The following KIAA1217 variants were observed in gnomAD, a reference collection of about 807,000 sequenced individuals.
The protein encoded by KIAA1217 is sickle tail protein homolog.
A neutral mutation model predicts 163.9 loss-of-function variants in KIAA1217; 88 were observed. The ratio of observed to expected loss-of-function variants is 0.54; its 90% CI spans 0.45 to 0.64. The LOEUF is 0.64. Ranked by LOEUF, KIAA1217 falls within the 30% of genes least tolerant of loss-of-function variation. The pLI, the probability that KIAA1217 is intolerant of heterozygous loss-of-function variation, is 0.00. For synonymous variants in KIAA1217, 903 were observed against 923.1 expected, an observed-to-expected ratio of 0.98 and a Z score of 0.39; for missense variants, 2,372 against 2,475.0, an observed-to-expected ratio of 0.96 and a Z score of 0.88.
At chr10:23,753,105 A>G (rs1833733115) in intron 1 of KIAA1217, among the ~76,000 whole-genome samples, 1 of 152,144 alleles carries the variant, frequency 6.6e-6, no homozygotes, top group Non-Finnish European at 1.5e-5. Flanking sequence ...GGCTCAAATC[A>G]TTGTATAGAA....
intron 3 of KIAA1217, among the ~76,000 whole-genome samples, chr10:24,406,874 G>A (rs933708654): frequency 1.3e-5 from 2 of 152,136 alleles, no homozygotes; most frequent in Non-Finnish European, 2.9e-5. Context: ...CTAAAAACAT[G>A]TACAATTGCC....
At chr10:24,449,559 C>T (rs755218322) in intron 5 of KIAA1217, 283 of 985,152 alleles carry the variant, frequency 2.9e-4, no homozygotes, top group Non-Finnish European at 3.3e-4. Flanking sequence ...TCTGAATGTC[C>T]GTGAAATAGT....
At chr10:24,012,359 T>G (rs1847271598) in intron 2 of KIAA1217, among the ~76,000 whole-genome samples, 1 of 152,116 alleles carries the variant, frequency 6.6e-6, no homozygotes, top group South Asian at 2.1e-4. Context: ...CTTACAACTC[T>G]CTTAAGACCT....
intron 2 of KIAA1217, among the ~76,000 whole-genome samples, chr10:24,093,495 G>T (rs1301656364): frequency 6.6e-6 from 1 of 151,444 alleles, no homozygotes; most frequent in East Asian, 1.9e-4. Context: ...GTAGAGACAA[G>T]GTCTCACTAT....
intron 1 of KIAA1217, among the ~76,000 whole-genome samples, chr10:23,792,191 A>G (rs1835980300): frequency 6.6e-6 from 1 of 152,222 alleles, no homozygotes; most frequent in African/African-American, 2.4e-5. Context: ...CAGTGGGGTC[A>G]GGAAAAGGCC....
rs186387208 is a variant in KIAA1217 at position 24,189,676 on chromosome 10, C to T, written c.-170-29950C>T. Among the ~76,000 whole-genome samples, 280 of 152,188 alleles carry T rather than the reference C, an allele frequency of 1.8e-3. 1 individual carries two copies. The highest frequency in any genetic ancestry group is 6.8e-3 in the Middle Eastern group (2 of 294). ...AGATCCAAAGACCTAGGGAAGACTGCGTGTTTTTATGTTTGGTTTGATGAA... is the reference window on the plus strand; with the variant it reads ...AGATCCAAAGACCTAGGGAAGACTGTGTGTTTTTATGTTTGGTTTGATGAA... On this transcript the variant is annotated intron_variant, in intron 2 of 18. Transcript: ENST00000376462.
At chr10:24,237,419 T>TGAATTCTC (rs1173589942) in intron 2 of KIAA1217, among the ~76,000 whole-genome samples, 1 of 152,230 alleles carries the variant, frequency 6.6e-6, no homozygotes, top group Non-Finnish European at 1.5e-5. Context: ...CTTTCCCATC[T>TGAATTCTC]GAATTCTTTC....
At chr10:23,773,977 C>T (rs28576643) in intron 1 of KIAA1217, among the ~76,000 whole-genome samples, 27,619 of 151,998 alleles carry the variant, frequency 0.18, 2,651 homozygotes, top group Middle Eastern at 0.27. Context: ...ATTGCCCTGG[C>T]CAGAACTTCC....
intron 1 of KIAA1217, among the ~76,000 whole-genome samples, chr10:23,850,793 GC>G (rs1372155352): frequency 1.3e-5 from 2 of 152,050 alleles, no homozygotes; most frequent in African/African-American, 4.8e-5. Context: ...GGCTGGGGAG[GC>G]TTCAGGAAAC....
intron 2 of KIAA1217, among the ~76,000 whole-genome samples, chr10:24,295,914 C>T (rs779022246): frequency 5.3e-5 from 8 of 152,014 alleles, no homozygotes; most frequent in South Asian, 2.1e-4. Context: ...TTTGGAAAAA[C>T]GTATATCTCC....
chr10:23,870,758 T>G (rs1840421026), intron 1 of KIAA1217, among the ~76,000 whole-genome samples: 1 of 152,136 alleles, frequency 6.6e-6, no homozygotes, highest in South Asian at 2.1e-4. Flanking sequence ...GATTCACCCT[T>G]AGGCAGTCTG....
chr10:24,230,859 G>A (rs2071312221), intron 2 of KIAA1217, among the ~76,000 whole-genome samples: 1 of 152,146 alleles, frequency 6.6e-6, no homozygotes. Context: ...GGGAAACTGA[G>A]GCACAAAGCA....
At chr10:24,434,112 C>T (rs1185426033) in intron 4 of KIAA1217, among the ~76,000 whole-genome samples, 1 of 132,878 alleles carries the variant, frequency 7.5e-6, no homozygotes, top group African/African-American at 2.8e-5. Context: ...TCTCCGTTTA[C>T]TGTAACCTCC....
chr10:23,786,822 T>C (rs1452072366), intron 1 of KIAA1217, among the ~76,000 whole-genome samples: 4 of 152,096 alleles, frequency 2.6e-5, no homozygotes, highest in African/African-American at 4.8e-5. Context: ...TTTCTGCTTG[T>C]GCTACTCAGA....
intron 1 of KIAA1217, among the ~76,000 whole-genome samples, chr10:23,755,021 A>G (rs560827177): frequency 6.6e-6 from 1 of 152,234 alleles, no homozygotes; most frequent in Non-Finnish European, 1.5e-5. Context: ...TACAAACCGA[A>G]TTTCATCTTC....
Position 24,473,915 on chromosome 10 carries a change from A to C in KIAA1217, c.1534A>C (p.Lys512Gln). The C allele has an allele frequency of 6.2e-7, 1 of 1,614,138 alleles. No homozygotes were observed. The highest frequency in any genetic ancestry group is 1.3e-5 in the African/African-American group (1 of 75,036). Residue 512 changes from lysine to glutamine, a missense_variant, in exon 6 of 21, where the codon AAA becomes CAA. By Grantham distance (53) the Lys-to-Gln change is moderately conservative. Coordinates refer to ENST00000376454, the MANE Select transcript of KIAA1217 (RefSeq NM_019590.5). ...GGCCTCTCCGAGCCGCCAGGCCTTT[A>C]AAAAGGAGCCAGGCACCTTGGTGTA... ...DRASPSRQAFKKEPGTLVYIE... is the reference protein window; with the variant it reads ...DRASPSRQAFQKEPGTLVYIE...
At chr10:23,899,149 G>A (rs540463292) in intron 1 of KIAA1217, among the ~76,000 whole-genome samples, 43 of 152,140 alleles carry the variant, frequency 2.8e-4, no homozygotes, top group African/African-American at 8.4e-4. Context: ...TCATGTCATC[G>A]TATTCATATT....
At chr10:24,521,662 T>G in intron 11 of KIAA1217, 120 bp from the exon 12 acceptor site, 7 of 1,202,186 alleles carry the variant, frequency 5.8e-6, no homozygotes, top group South Asian at 1.4e-5. Context: ...CACCTGAAGA[T>G]GTGTGAGCCA....
chr10:24,300,227 C>A (rs2041144141), intron 2 of KIAA1217, among the ~76,000 whole-genome samples: 1 of 152,196 alleles, frequency 6.6e-6, no homozygotes, highest in African/African-American at 2.4e-5. Flanking sequence ...CAAAATGAAT[C>A]CCTGTCCCAC....
Sources: gnomAD v4.1 joint callset for allele counts (sites outside exome capture counted in the v4.1 genomes callset) on GRCh38, gnomAD v4.1.1 for gene constraint, MANE v1.5 for transcripts, NCBI Gene and HGNC (gene_info 2026-07-23, HGNC 2026-07-21) for gene names.